Variants in SCN4B observed in about 807,000 individuals in gnomAD.
The protein encoded by SCN4B is sodium voltage-gated channel beta subunit 4, also known as sodium channel regulatory subunit beta-4.
SCN4B carries 20 observed loss-of-function variants against 19.6 expected under a neutral mutation model. The ratio of observed to expected loss-of-function variants is 1.02; its 90% CI spans 0.72 to 1.48. The LOEUF (loss-of-function observed/expected upper bound fraction) is 1.48. Among genes scored for constraint, SCN4B ranks in the 40% most tolerant of loss-of-function variants. SCN4B has a pLI of 0.00. For missense variants in SCN4B, 271 were observed against 287.5 expected, an observed-to-expected ratio of 0.94 and a Z score of 0.42; for synonymous variants, 127 against 122.8, an observed-to-expected ratio of 1.03 and a Z score of -0.22.
intron 4 of SCN4B, among the ~76,000 whole-genome samples, chr11:118,139,120 C>T (rs1238378294): frequency 6.6e-6 from 1 of 152,206 alleles, no homozygotes; most frequent in Non-Finnish European, 1.5e-5. Flanking sequence ...ACAGCCTCGA[C>T]TCCCAGGTCC....
At position 118,148,091 on chromosome 11, in the gene SCN4B, A is replaced by C. The variant is rs929033711; in HGVS notation, c.62-2862T>G. ...TGTGTGCACCTATGTGGATGACTTAAGTCCAATACACTCAGGACTCTGCAA... is the reference window on the plus strand; with the variant it reads ...TGTGTGCACCTATGTGGATGACTTACGTCCAATACACTCAGGACTCTGCAA... On this transcript the variant is annotated intron_variant, in intron 1 of 4. Coordinates refer to ENST00000324727, the MANE Select transcript of SCN4B (RefSeq NM_174934.4). This position sits in a 1 kb window ranked among gnomAD's most constrained non-coding sequence, Gnocchi z 4.0. 1.1e-4 allele frequency among the ~76,000 whole-genome samples: 16 copies of C among 152,236 alleles called. No homozygotes were observed. Among genetic ancestry groups the C allele is most frequent in the Admixed American group, 4.6e-4 (7 of 15,292 alleles).
chr11:118,143,884 C>T lies in SCN4B; in HGVS notation c.412G>A (p.Glu138Lys), dbSNP rs150120968. 1 of 1,613,580 alleles carries T rather than the reference C, an allele frequency of 6.2e-7. No homozygotes were observed. Among genetic ancestry groups the T allele is most frequent in the South Asian group, 1.1e-5 (1 of 91,046 alleles). ...KYTCHVKNPK[E>K]NNLQHHATIF... ...GTGGCGTGGTGCTGGAGATTATTCT[C>T]CTTGGGGTTCTTCACATGGCAGGTG... Residue 138 changes from glutamate (E) to lysine (K), a missense_variant, in exon 3 of 5, where the codon GAG (glutamate) becomes AAG (lysine). By Grantham distance (56) the Glu-to-Lys change is moderately conservative. Coordinates refer to ENST00000324727, the MANE Select transcript of SCN4B (RefSeq NM_174934.4).
At chr11:118,147,527 T>TG (rs1487923180) in intron 1 of SCN4B, among the ~76,000 whole-genome samples, 1 of 152,152 alleles carries the variant, frequency 6.6e-6, no homozygotes. Flanking sequence ...AACACTGCTA[T>TG]CAGGGCTTAG....
In SCN4B at chr11:118,148,074, C is replaced by A. The variant is rs1948199777; in HGVS notation, c.62-2845G>T. Among the ~76,000 whole-genome samples the A allele has an allele frequency of 6.6e-6, 1 of 152,208 alleles. No individual in the cohort carries two copies. The highest frequency in any genetic ancestry group is 2.4e-5 in the African/African-American group (1 of 41,442). The stretch of plus-strand genomic sequence containing the variant: ...CACGTTTCTGCCTGGTTTGTGTGCA[C>A]CTATGTGGATGACTTAAGTCCAATA... On this transcript the variant is annotated intron_variant, in intron 1 of 4. Coordinates refer to ENST00000324727, the MANE Select transcript of SCN4B (RefSeq NM_174934.4). The surrounding 1 kb of genome is among the most constrained non-coding windows in gnomAD (Gnocchi z 4.0).
chr11:118,141,257 C>CAGGATG lies in SCN4B; in HGVS notation c.537_542dup (p.Ile180_Leu181dup), dbSNP rs1447414158. 3.1e-6 allele frequency: 5 copies of CAGGATG among 1,612,702 alleles called. No individual in the cohort carries two copies. Among genetic ancestry groups the CAGGATG allele is most frequent in the South Asian group, 2.2e-5 (2 of 91,018 alleles). On this transcript the variant is annotated inframe_insertion, in exon 4 of 5. Transcript: ENST00000324727. ...TGAAGATGATGAGTTTCTTGATCAGCAGGATGAGGATGAGGAGCCCGATGA... is the reference window on the plus strand; with the variant it reads ...TGAAGATGATGAGTTTCTTGATCAGCAGGATGAGGATGAGGATGAGGAGCCCGATGA...
At chr11:118,139,906 T>C (rs1459937002) in intron 4 of SCN4B, among the ~76,000 whole-genome samples, 1 of 123,122 alleles carries the variant, frequency 8.1e-6, no homozygotes, top group African/African-American at 3.0e-5. Flanking sequence ...TTTTTCTTTT[T>C]TCTTTTTTTT....
intron 4 of SCN4B, among the ~76,000 whole-genome samples, chr11:118,139,431 C>A (rs1406018986): frequency 6.6e-6 from 1 of 152,254 alleles, no homozygotes; most frequent in Admixed American, 6.5e-5. Flanking sequence ...TTTGCTGGCA[C>A]TGATCCCCTC....
chr11:118,141,374 AG>A, intron 3 of SCN4B, 38 bp from the exon 4 acceptor site: 1 of 1,611,736 alleles, frequency 6.2e-7, no homozygotes, highest in South Asian at 1.1e-5. Flanking sequence ...GAAGGCACAA[AG>A]GGAGCAAGAG....
chr11:118,143,725 A>C, intron 3 of SCN4B, 108 bp downstream of exon 3: 1 of 792,618 alleles, frequency 1.3e-6, no homozygotes. Flanking sequence ...AGTGTAAAGC[A>C]AAAGAAAACA....
chr11:118,141,395 A>G (rs1948097693), intron 3 of SCN4B, 59 bp from the exon 4 acceptor site: 1 of 1,608,790 alleles, frequency 6.2e-7, no homozygotes, highest in Admixed American at 1.7e-5. Flanking sequence ...GTCAACCTGG[A>G]GCCGAGAACT....
chr11:118,151,213 C>A (rs1029162331), intron 1 of SCN4B, among the ~76,000 whole-genome samples: 1 of 152,042 alleles, frequency 6.6e-6, no homozygotes, highest in Non-Finnish European at 1.5e-5. Context: ...TTCTAACAAA[C>A]AAGGGACTGG....
chr11:118,135,295 C>T lies in SCN4B; in HGVS notation c.*1732G>A, dbSNP rs1252938748. The T allele has an allele frequency of 4.4e-6, 2 of 454,082 alleles. No homozygotes were observed. The highest frequency in any genetic ancestry group is 8.8e-6 in the Non-Finnish European group (2 of 226,774). 28.1% of individuals were successfully genotyped at this position (454,082 alleles called of 1,614,324 possible). A position where few individuals can be genotyped will look rare whatever the true frequency, so the allele number is the denominator to read the frequency against. On this transcript the variant is annotated 3_prime_UTR_variant, in exon 5 of 5. Coordinates refer to ENST00000324727, the MANE Select transcript of SCN4B (RefSeq NM_174934.4). ...AGCCACGGGCACCCTGCAGGTACTA[C>T]TGGTCCTCAGTCTCCCCCCACTCCA...
chr11:118,143,813 T>C lies in SCN4B; in HGVS notation c.463+20A>G. The C allele has an allele frequency of 1.9e-6, 3 of 1,589,642 alleles. No individual in the cohort carries two copies. The highest frequency in any genetic ancestry group is 2.6e-6 in the Non-Finnish European group (3 of 1,159,648). On this transcript the variant is annotated intron_variant, in intron 3 of 4. Coordinates refer to ENST00000324727, the MANE Select transcript of SCN4B (RefSeq NM_174934.4). ...AAGTCCTTCCCACGCCACTGCCCTG[T>C]GCCAGCCCCTACTGCATACGTCTAT...
intron 1 of SCN4B, among the ~76,000 whole-genome samples, chr11:118,147,408 C>T (rs1222854338): frequency 6.6e-6 from 1 of 152,152 alleles, no homozygotes; most frequent in African/African-American, 2.4e-5. Flanking sequence ...AGGAAACAGG[C>T]TTAAAAAGAT....
intron 3 of SCN4B, among the ~76,000 whole-genome samples, chr11:118,142,016 C>G (rs1460326493): frequency 6.6e-6 from 1 of 152,216 alleles, no homozygotes; most frequent in African/African-American, 2.4e-5. Context: ...TCCAAGCTAC[C>G]TGAGAATCCT....
chr11:118,152,697 C>CG lies in SCN4B; in HGVS notation c.-25dup. 6.4e-7 allele frequency: 1 copy of CG among 1,569,462 alleles called. No homozygotes were observed. Among genetic ancestry groups the CG allele is most frequent in the Non-Finnish European group, 8.7e-7 (1 of 1,148,478 alleles). On this transcript the variant is annotated 5_prime_UTR_variant, in exon 1 of 5. Coordinates refer to ENST00000324727, the MANE Select transcript of SCN4B (RefSeq NM_174934.4). Reference sequence around the variant, plus strand: ...ATAGTCCTGTTCTCTCCGGAGCGCGCGGGGGTCGCGGGGATGGGATACTGG... The same window carrying CG: ...ATAGTCCTGTTCTCTCCGGAGCGCGCGGGGGGTCGCGGGGATGGGATACTGG...
At position 118,152,584 on chromosome 11, in the gene SCN4B, G is replaced by A. The variant is rs747482277; in HGVS notation, c.61+29C>T. On this transcript the variant is annotated intron_variant, in intron 1 of 4. Coordinates refer to ENST00000324727, the MANE Select transcript of SCN4B (RefSeq NM_174934.4). ...CTTCTTTGGGGGTGGGGGGAGGCAA[G>A]AGAAGAGACCAAGCTGGGGCTGCCT... 3.8e-6 allele frequency: 6 copies of A among 1,599,502 alleles called. No individual in the cohort carries two copies. In the South Asian group the frequency reaches 4.4e-5, roughly 12 times the overall value.
intron 3 of SCN4B, 26 bp from the exon 4 acceptor site, chr11:118,141,362 G>A: frequency 1.9e-6 from 3 of 1,612,120 alleles, no homozygotes; most frequent in Non-Finnish European, 2.5e-6. Flanking sequence ...AGGGAGGAAA[G>A]GGAAGGCACA....
rs1221875146 is a variant in SCN4B, at chr11:118,136,233, G to A, written c.*794C>T. ...AGGACACTGGCTCACTACCTCTGTG[G>A]CCCAATTCCCCAAGTAGAAATGCTT... On this transcript the variant is annotated 3_prime_UTR_variant, in exon 5 of 5. Coordinates refer to ENST00000324727, the MANE Select transcript of SCN4B (RefSeq NM_174934.4). 4.4e-6 allele frequency: 2 copies of A among 453,818 alleles called. No homozygotes were observed. Among genetic ancestry groups the A allele is most frequent in the Middle Eastern group, 6.9e-4 (1 of 1,444 alleles). 28.1% of individuals were successfully genotyped at this position (453,818 alleles called of 1,614,324 possible).
Sources: gnomAD v4.1 joint callset for allele counts (sites outside exome capture counted in the v4.1 genomes callset) on GRCh38, gnomAD v4.1.1 for gene constraint, Gnocchi (gnomAD v3.1) non-coding constraint, MANE v1.5 for transcripts, NCBI Gene and HGNC (gene_info 2026-07-23, HGNC 2026-07-21) for gene names.